MKLN1: variants seen among roughly 807,000 people sequenced by gnomAD.
The protein encoded by MKLN1 is muskelin 1, also known as muskelin.
A neutral mutation model predicts 99.0 loss-of-function variants in MKLN1; 18 were observed. That is an observed-to-expected ratio of 0.18 (90% CI 0.13 to 0.27). The LOEUF is 0.27. Ranked by LOEUF, MKLN1 falls within the 10% of genes least tolerant of loss-of-function variation. MKLN1 has a pLI of 1.00. For missense variants in MKLN1, 621 were observed against 875.9 expected (o/e 0.71, Z 3.67); for synonymous variants, 288 against 293.2 (o/e 0.98, Z 0.18).
At chr7:131,303,535 G>C (rs554939762) in intron 3 of MKLN1, among the ~76,000 whole-genome samples, 1 of 152,336 alleles carries the variant, frequency 6.6e-6, no homozygotes, top group African/African-American at 2.4e-5. Context: ...AAGTTGTAAT[G>C]AGTTAATACC....
intron 1 of MKLN1, among the ~76,000 whole-genome samples, chr7:131,140,774 C>CTT (rs35228515): frequency 1.1e-3 from 167 of 146,934 alleles, no homozygotes; most frequent in African/African-American, 1.7e-3. Flanking sequence ...ACACACCATC[C>CTT]TTTTTTTTTT....
chr7:131,400,854 A>G (rs563607892), intron 6 of MKLN1, among the ~76,000 whole-genome samples: 1 of 152,222 alleles, frequency 6.6e-6, no homozygotes, highest in African/African-American at 2.4e-5. Flanking sequence ...GTTTAGAGAA[A>G]TTAGTAGTTG....
chr7:131,390,456 T>C (rs969493879), intron 4 of MKLN1, among the ~76,000 whole-genome samples: 12 of 152,158 alleles, frequency 7.9e-5, no homozygotes, highest in Non-Finnish European at 1.6e-4. Context: ...AATTGGAACC[T>C]TTTCCAGCCC....
chr7:131,288,463 C>T lies in MKLN1; in HGVS notation c.-179+85489C>T, dbSNP rs7778787. ...CATCAAATGATTTTCAAAATCCCAGCGCAATGTGCCTTCAGTTTTGTGCCA... is the reference window on the plus strand; with the variant it reads ...CATCAAATGATTTTCAAAATCCCAGTGCAATGTGCCTTCAGTTTTGTGCCA... On this transcript the variant is annotated intron_variant, in intron 3 of 7. Transcript: ENST00000416992. 2.6e-3 allele frequency among the ~76,000 whole-genome samples: 398 copies of T among 152,280 alleles called. 3 individuals carry two copies. Among genetic ancestry groups the T allele is most frequent in the African/African-American group, 9.1e-3 (377 of 41,562 alleles).
intron 12 of MKLN1, among the ~76,000 whole-genome samples, chr7:131,448,064 TAAAAATAC>T (rs1268074381): frequency 6.6e-6 from 1 of 152,046 alleles, no homozygotes; most frequent in Non-Finnish European, 1.5e-5. Context: ...CCATCTATAC[TAAAAATAC>T]AAAAAATTAG....
At chr7:131,318,953 A>G (rs1013485023) in intron 3 of MKLN1, among the ~76,000 whole-genome samples, 1 of 152,218 alleles carries the variant, frequency 6.6e-6, no homozygotes, top group Non-Finnish European at 1.5e-5. Flanking sequence ...GCAGTAGTTA[A>G]TAGCCTACCA....
chr7:131,237,124 T>C (rs1584858020), intron 3 of MKLN1, among the ~76,000 whole-genome samples: 1 of 152,228 alleles, frequency 6.6e-6, no homozygotes, highest in East Asian at 1.9e-4. Flanking sequence ...GAGTATGGTA[T>C]AATCCATACA....
intron 1 of MKLN1, among the ~76,000 whole-genome samples, chr7:131,357,916 A>G (rs1406900274): frequency 6.6e-6 from 1 of 152,020 alleles, no homozygotes; most frequent in Non-Finnish European, 1.5e-5. Context: ...CCTCTCATTA[A>G]CCTTATATCC....
chr7:131,466,185 G>A (rs1796656526), intron 14 of MKLN1, 91 bp from the exon 15 acceptor site: 1 of 842,722 alleles, frequency 1.2e-6, no homozygotes, highest in African/African-American at 1.7e-5. Context: ...TATTTGAATG[G>A]GCTCAGGAAG....
At chr7:131,276,688 G>C (rs1364514172) in intron 3 of MKLN1, among the ~76,000 whole-genome samples, 4 of 152,210 alleles carry the variant, frequency 2.6e-5, no homozygotes, top group Non-Finnish European at 5.9e-5. Flanking sequence ...TGGACAAGCA[G>C]CATGAATGGG....
At chr7:131,348,605 G>A (rs901777069) in intron 1 of MKLN1, among the ~76,000 whole-genome samples, 3 of 151,930 alleles carry the variant, frequency 2.0e-5, no homozygotes, top group Admixed American at 6.6e-5. Flanking sequence ...TATCTCTGAG[G>A]AAGAGAGTTT....
intron 1 of MKLN1, among the ~76,000 whole-genome samples, chr7:131,120,548 CAAAAAA>C (rs55945614): frequency 4.0e-4 from 39 of 98,144 alleles, no homozygotes; most frequent in African/African-American, 1.2e-3. Flanking sequence ...GACTCCCTCT[CAAAAAA>C]AAAAAAAAAA....
rs1213889363 is a variant in MKLN1 at position 131,493,453 on chromosome 7, A to G, written c.*5725A>G. The stretch of plus-strand genomic sequence containing the variant: ...TAACCCTAAAATAATTTTGTTAATG[A>G]GATGCTGGGAAGAAGACTACCAAAA... On this transcript the variant is annotated 3_prime_UTR_variant, in exon 18 of 18. Transcript: ENST00000352689. 1 of 152,218 alleles carries G rather than the reference A, an allele frequency of 6.6e-6. No individual in the cohort carries two copies. The highest frequency in any genetic ancestry group is 1.5e-5 in the Non-Finnish European group (1 of 68,038). 9.4% of individuals were successfully genotyped at this position (152,218 alleles called of 1,614,324 possible).
chr7:131,319,714 A>G (rs1280963766), intron 3 of MKLN1, among the ~76,000 whole-genome samples: 1 of 152,194 alleles, frequency 6.6e-6, no homozygotes, highest in Non-Finnish European at 1.5e-5. Flanking sequence ...GAGCCCCAAA[A>G]TCTCCTTAAG....
chr7:131,415,210 A>G (rs1187752131), intron 8 of MKLN1, among the ~76,000 whole-genome samples: 1 of 151,894 alleles, frequency 6.6e-6, no homozygotes, highest in African/African-American at 2.4e-5. Context: ...AATTACCATA[A>G]TATTTAGAGG....
At chr7:131,418,369 CAAA>C (rs943898750) in intron 8 of MKLN1, among the ~76,000 whole-genome samples, 56 of 54,792 alleles carry the variant, frequency 1.0e-3, no homozygotes, top group African/African-American at 2.9e-3. Flanking sequence ...GACTTCGTCT[CAAA>C]AAAAAAAAAA....
At chr7:131,287,000 G>T (rs990881028) in intron 3 of MKLN1, among the ~76,000 whole-genome samples, 12 of 152,228 alleles carry the variant, frequency 7.9e-5, no homozygotes, top group Non-Finnish European at 1.5e-4. Flanking sequence ...TTCTTGGGAG[G>T]CTGAGATGGG....
chr7:131,305,223 T>C (rs1437549731), intron 3 of MKLN1, among the ~76,000 whole-genome samples: 1 of 152,224 alleles, frequency 6.6e-6, no homozygotes, highest in Non-Finnish European at 1.5e-5. Context: ...ATAGCAACCA[T>C]GAAACCCCTT....
At chr7:131,431,437 T>C (rs1245471077) in intron 9 of MKLN1, among the ~76,000 whole-genome samples, 2 of 152,196 alleles carry the variant, frequency 1.3e-5, no homozygotes, top group African/African-American at 4.8e-5. Flanking sequence ...GTCATTCTTT[T>C]GGTTTGGCCG....
Sources: allele counts gnomAD v4.1 joint callset (sites outside exome capture counted in the v4.1 genomes callset), GRCh38; gene constraint gnomAD v4.1.1; transcripts MANE v1.5; gene names NCBI Gene and HGNC (gene_info 2026-07-23, HGNC 2026-07-21).